PKNOX2: variants seen among roughly 807,000 people sequenced by gnomAD.
PKNOX2 encodes the protein PBX/knotted 1 homeobox 2.
In PKNOX2, 14 loss-of-function variants were observed where a neutral mutation model predicts 53.1. The ratio of observed to expected loss-of-function variants is 0.26; its 90% CI spans 0.17 to 0.41. The LOEUF (loss-of-function observed/expected upper bound fraction) is 0.41. PKNOX2 is among the 10% of genes least tolerant of loss of function. PKNOX2 has a pLI of 1.00. For synonymous variants in PKNOX2, 257 were observed against 242.8 expected (o/e 1.06, Z -0.54); for missense variants, 496 against 602.8 (o/e 0.82, Z 1.85).
At chr11:125,170,130 CTT>C (rs1387678537) in intron 1 of PKNOX2, among the ~76,000 whole-genome samples, 2 of 152,172 alleles carry the variant, frequency 1.3e-5, no homozygotes, top group Non-Finnish European at 2.9e-5. Context: ...CTGAACCTCT[CTT>C]AGCAGTCTCT....
At chr11:125,414,377 C>T (rs116958153) in intron 10 of PKNOX2, among the ~76,000 whole-genome samples, 64 of 152,260 alleles carry the variant, frequency 4.2e-4, no homozygotes, top group South Asian at 1.9e-3. Flanking sequence ...ATTCATGACG[C>T]GCTTAACATT....
intron 1 of PKNOX2, among the ~76,000 whole-genome samples, chr11:125,226,054 C>A (rs1397451142): frequency 6.6e-6 from 1 of 152,232 alleles, no homozygotes; most frequent in Admixed American, 6.5e-5. Context: ...CAGAATTTCT[C>A]TTGCTTCCTG....
chr11:125,410,592 G>A (rs1955446556), intron 8 of PKNOX2, 187 bp from the exon 9 acceptor site: 2 of 650,066 alleles, frequency 3.1e-6, no homozygotes, highest in Admixed American at 2.9e-5. Context: ...CCTCCCACCA[G>A]AGGCTCTGTC....
rs200769767 is a variant in PKNOX2 at position 125,411,779 on chromosome 11, G to A, written c.850G>A (p.Glu284Lys). The A allele has an allele frequency of 1.9e-6, 3 of 1,614,208 alleles. No individual in the cohort carries two copies. Among genetic ancestry groups the A allele is most frequent in the Non-Finnish European group, 2.5e-6 (3 of 1,180,038 alleles). The change falls in exon 10 of 13, where the codon GAG becomes AAG. Residue 284 changes from glutamate (E) to lysine (K), a missense_variant. Coordinates refer to ENST00000298282, the MANE Select transcript of PKNOX2 (RefSeq NM_001382323.2). The stretch of plus-strand genomic sequence containing the variant: ...TGACCTCACCTCCCTCCTGGACAAT[G>A]AGGATAAGAAGTCCAAGAACAAACG... ...NLDLTSLLDN[E>K]DKKSKNKRGV...
chr11:125,213,165 C>A lies in PKNOX2; in HGVS notation c.-200-21880C>A, dbSNP rs551116158. Among the ~76,000 whole-genome samples, 4 of 152,214 alleles carry A rather than the reference C, an allele frequency of 2.6e-5. No homozygotes were observed. In the South Asian group the frequency reaches 8.3e-4, roughly 32 times the overall value. On this transcript the variant is annotated intron_variant, in intron 1 of 12. Transcript: ENST00000298282. Reference sequence around the variant, plus strand: ...TTTATTCTCCCCCATCTTCAAAATGCTATCATCCTTTGTGGCGTCCCTTTG... The same window carrying A: ...TTTATTCTCCCCCATCTTCAAAATGATATCATCCTTTGTGGCGTCCCTTTG...
At chr11:125,243,307 G>A (rs542822921) in intron 2 of PKNOX2, among the ~76,000 whole-genome samples, 79 of 152,316 alleles carry the variant, frequency 5.2e-4, no homozygotes, top group African/African-American at 1.8e-3. Context: ...GCTCAGCCCA[G>A]AGGCCCTTCC....
Position 125,385,715 on chromosome 11 carries a change from A to G in PKNOX2, c.392A>G (p.Asp131Gly). The change falls in exon 6 of 13, where the codon GAC becomes GGC. Residue 131 changes from aspartate (D) to glycine (G), a missense_variant. Physicochemically the swap from Asp to Gly is moderately conservative, Grantham distance 94. This residue lies in a region of PKNOX2 where 168 missense variants were observed against 178.4 expected (regional missense o/e 0.94). Coordinates refer to ENST00000298282, the MANE Select transcript of PKNOX2 (RefSeq NM_001382323.2). The part of the protein sequence containing the change: ...KPFFSDDPEL[D>G]NLMVKAIQVL... ...TTCTTCAGCGATGACCCAGAACTGG[A>G]CAATCTGGTAAAGACCCTCCACCCT... 2 of 1,613,602 alleles carry G rather than the reference A, an allele frequency of 1.2e-6. No homozygotes were observed. Among genetic ancestry groups the G allele is most frequent in the Non-Finnish European group, 1.7e-6 (2 of 1,179,826 alleles).
intron 3 of PKNOX2, among the ~76,000 whole-genome samples, chr11:125,348,600 C>T (rs913662962): frequency 1.3e-5 from 2 of 152,230 alleles, no homozygotes; most frequent in African/African-American, 4.8e-5. Flanking sequence ...GGGCGGTTGT[C>T]TCTGGGCACA....
rs144316797 is a variant in PKNOX2, at chr11:125,221,499, C to T, written c.-200-13546C>T. Among the ~76,000 whole-genome samples the T allele has an allele frequency of 8.3e-3, 1,265 of 152,260 alleles. 21 individuals carry two copies. Among genetic ancestry groups the T allele is most frequent in the African/African-American group, 0.029 (1,196 of 41,536 alleles). On this transcript the variant is annotated intron_variant, in intron 1 of 12. Coordinates refer to ENST00000298282, the MANE Select transcript of PKNOX2 (RefSeq NM_001382323.2). ...TGGGGGCCAGAATGAAAAATGGACC[C>T]GAGAGCTAACCGCAGCCACGCCGTT...
At chr11:125,244,765 G>A (rs1173529848) in intron 2 of PKNOX2, among the ~76,000 whole-genome samples, 1 of 152,206 alleles carries the variant, frequency 6.6e-6, no homozygotes, top group African/African-American at 2.4e-5. Flanking sequence ...AAATTGGAAG[G>A]CACCTTAGGA....
intron 10 of PKNOX2, among the ~76,000 whole-genome samples, chr11:125,423,270 C>T (rs543875804): frequency 1.2e-4 from 19 of 152,290 alleles, no homozygotes; most frequent in Middle Eastern, 3.4e-3. Flanking sequence ...CGTGTTCTCA[C>T]GTACTTCTAA....
At chr11:125,263,680 C>T (rs556428218) in intron 2 of PKNOX2, among the ~76,000 whole-genome samples, 83 of 152,258 alleles carry the variant, frequency 5.5e-4, no homozygotes, top group Non-Finnish European at 1.0e-3. Context: ...ACGTGGCTAT[C>T]TCAGTCCGGT....
chr11:125,247,650 G>C (rs768792128), intron 2 of PKNOX2, among the ~76,000 whole-genome samples: 1 of 152,172 alleles, frequency 6.6e-6, no homozygotes, highest in Non-Finnish European at 1.5e-5. Flanking sequence ...CTTGAAGAGA[G>C]GTTGTCAGAG....
chr11:125,402,950 T>A (rs1954841136), intron 7 of PKNOX2, among the ~76,000 whole-genome samples: 1 of 152,140 alleles, frequency 6.6e-6, no homozygotes, highest in East Asian at 1.9e-4. Flanking sequence ...AGTTACAGAT[T>A]CATTGGCCTT....
rs74442117 is a variant in PKNOX2, at chr11:125,326,174, C to T, written c.-129-5645C>T. Among the ~76,000 whole-genome samples the T allele has an allele frequency of 2.5e-3, 377 of 152,300 alleles. 1 individual carries two copies. The highest frequency in any genetic ancestry group is 6.1e-3 in the African/African-American group (252 of 41,554). On this transcript the variant is annotated intron_variant, in intron 2 of 12. Transcript: ENST00000298282. Reference sequence around the variant, plus strand: ...GACATCGAGGGGAGATTAAGATTCACGCACAAAGCAGGGGCTCACAAAATT... The same window carrying T: ...GACATCGAGGGGAGATTAAGATTCATGCACAAAGCAGGGGCTCACAAAATT...
At chr11:125,183,052 G>C (rs1348597515) in intron 1 of PKNOX2, among the ~76,000 whole-genome samples, 2 of 152,184 alleles carry the variant, frequency 1.3e-5, no homozygotes, top group Non-Finnish European at 2.9e-5. Flanking sequence ...GCCCAGGGAG[G>C]TGGTAACTCA....
At chr11:125,267,946 T>G (rs1945487829) in intron 2 of PKNOX2, among the ~76,000 whole-genome samples, 2 of 152,094 alleles carry the variant, frequency 1.3e-5, no homozygotes, top group South Asian at 4.1e-4. Flanking sequence ...GATGGGAGGA[T>G]GGTAGGGTGT....
intron 2 of PKNOX2, among the ~76,000 whole-genome samples, chr11:125,315,392 T>C (rs1949112948): frequency 6.6e-6 from 1 of 150,666 alleles, no homozygotes; most frequent in Non-Finnish European, 1.5e-5. Context: ...GGTGGGCGGC[T>C]CTGCCTCCTG....
rs183319413 is a variant in PKNOX2, at chr11:125,313,559, A to G, written c.-129-18260A>G. On this transcript the variant is annotated intron_variant, in intron 2 of 12. Transcript: ENST00000298282. The stretch of plus-strand genomic sequence containing the variant: ...CTTCTTTACCTTGGTTTCATTTTGC[A>G]CTTGAAGATAAAGCTCAAAGGACAG... Among the ~76,000 whole-genome samples the G allele has an allele frequency of 1.3e-3, 203 of 152,240 alleles. 2 individuals carry two copies. The South Asian group carries it at 0.016, about 12-fold the overall frequency.
Sources: gnomAD v4.1 joint callset for allele counts (sites outside exome capture counted in the v4.1 genomes callset) on GRCh38, gnomAD v4.1.1 for gene constraint, gnomAD v4.1.1 regional missense constraint, MANE v1.5 for transcripts, NCBI Gene and HGNC (gene_info 2026-07-23, HGNC 2026-07-21) for gene names.